The following DIAPH2 variants were observed in gnomAD, a reference collection of about 807,000 sequenced individuals.
DIAPH2 encodes the protein diaphanous related formin 2.
A neutral mutation model predicts 92.7 loss-of-function variants in DIAPH2; 35 were observed. That is an observed-to-expected ratio of 0.38 (90% CI 0.29 to 0.50). The LOEUF is 0.50. Among genes scored for constraint, DIAPH2 ranks in the 20% least tolerant of loss-of-function variants. The probability of loss-of-function intolerance (pLI) is 0.94; values close to 1 mark genes in which losing one functional copy is unlikely to be tolerated. For missense variants in DIAPH2, 701 were observed against 819.5 expected, an observed-to-expected ratio of 0.86 and a Z score of 1.77; for synonymous variants, 301 against 280.4, an observed-to-expected ratio of 1.07 and a Z score of -0.73.
intron 17 of DIAPH2, among the ~76,000 whole-genome samples, chrX:96,980,998 CA>C (rs1204120424): frequency 0.013 from 581 of 45,509 alleles, 4 homozygotes; most frequent in Non-Finnish European, 0.017. Context: ...CCATCTCTAC[CA>C]AAAAAAAAAA....
intron 1 of DIAPH2, among the ~76,000 whole-genome samples, chrX:96,689,746 C>G: frequency 9.0e-6 from 1 of 111,355 alleles, no homozygotes; most frequent in Admixed American, 9.6e-5. Flanking sequence ...CTTCTGGACT[C>G]AATAACTGTC....
chrX:97,441,060 T>G (rs1317208086), intron 26 of DIAPH2, among the ~76,000 whole-genome samples: 1 of 111,652 alleles, frequency 9.0e-6, no homozygotes, highest in Non-Finnish European at 1.9e-5. Flanking sequence ...TAATAGAAAT[T>G]CATTGGTGAC....
At chrX:97,590,891 T>TA (rs902315692) in intron 26 of DIAPH2, among the ~76,000 whole-genome samples, 7 of 112,158 alleles carry the variant, frequency 6.2e-5, no homozygotes, top group African/African-American at 1.3e-4. Flanking sequence ...ACTGTTTTTT[T>TA]AAAAAAATAG....
chrX:96,807,317 C>A (rs1449754247), intron 4 of DIAPH2, among the ~76,000 whole-genome samples: 1 of 111,416 alleles, frequency 9.0e-6, no homozygotes, highest in Non-Finnish European at 1.9e-5. Flanking sequence ...AACTGAGGTA[C>A]ATGAAAATGT....
chrX:96,732,125 A>T (rs1482266459), intron 1 of DIAPH2, among the ~76,000 whole-genome samples: 1 of 111,325 alleles, frequency 9.0e-6, no homozygotes, highest in Admixed American at 9.6e-5. Context: ...CATCCACATA[A>T]ATGAATTTTG....
chrX:97,003,267 G>T (rs190546571), intron 17 of DIAPH2, among the ~76,000 whole-genome samples: 217 of 111,951 alleles, frequency 1.9e-3, no homozygotes, highest in Admixed American at 4.6e-3. Flanking sequence ...AAACATAGGA[G>T]TGCAGATATC....
Position 96,760,235 on chromosome X carries a change from A to G in DIAPH2, c.447+1977A>G, listed in dbSNP as rs1356591545. 1.3e-4 allele frequency among the ~76,000 whole-genome samples: 14 copies of G among 111,759 alleles called. No homozygotes were observed. In the Admixed American group the frequency reaches 1.3e-3, roughly 11 times the overall value. Reference sequence around the variant, plus strand: ...TCTTGGAAAGACGTTAATTAGTACTATGTTTTCTATCATTAAAACCACAAA... The same window carrying G: ...TCTTGGAAAGACGTTAATTAGTACTGTGTTTTCTATCATTAAAACCACAAA... On this transcript the variant is annotated intron_variant, in intron 4 of 26. Transcript: ENST00000324765.
intron 4 of DIAPH2, chrX:96,763,219 A>G (rs989306270): frequency 6.9e-5 from 41 of 593,694 alleles, no homozygotes; most frequent in Non-Finnish European, 9.2e-5. Context: ...TTCTTTTGGT[A>G]TATATTTTAC....
intron 4 of DIAPH2, among the ~76,000 whole-genome samples, chrX:96,835,431 A>G (rs2064880326): frequency 9.0e-6 from 1 of 111,671 alleles, no homozygotes; most frequent in South Asian, 3.8e-4. Context: ...CATTAAAAGC[A>G]CCTAAATATT....
chrX:96,689,867 G>C (rs903882449), intron 1 of DIAPH2, among the ~76,000 whole-genome samples: 6 of 110,872 alleles, frequency 5.4e-5, no homozygotes, highest in African/African-American at 1.6e-4. Flanking sequence ...CCGGTGCTTG[G>C]GTGCAAAACT....
At chrX:97,301,385 A>G (rs1311972051) in intron 23 of DIAPH2, among the ~76,000 whole-genome samples, 1 of 110,991 alleles carries the variant, frequency 9.0e-6, no homozygotes, top group Admixed American at 9.6e-5. Context: ...TATATAACAT[A>G]TCTTAGGTTA....
At chrX:96,804,601 C>T (rs1481321564) in intron 4 of DIAPH2, among the ~76,000 whole-genome samples, 1 of 111,455 alleles carries the variant, frequency 9.0e-6, no homozygotes, top group East Asian at 2.8e-4. Flanking sequence ...AATATTCATT[C>T]ACCAAACACC....
intron 26 of DIAPH2, among the ~76,000 whole-genome samples, chrX:97,559,131 C>A (rs887974159): frequency 1.8e-5 from 2 of 111,912 alleles, no homozygotes; most frequent in African/African-American, 6.5e-5. Flanking sequence ...AAGTTGTAAA[C>A]AATAACGGTT....
At chrX:96,922,813 A>G (rs974239485) in intron 9 of DIAPH2, among the ~76,000 whole-genome samples, 18 of 111,687 alleles carry the variant, frequency 1.6e-4, no homozygotes, top group African/African-American at 5.5e-4. Flanking sequence ...TTCCCCACCT[A>G]TATCTGTTTC....
chrX:97,398,129 C>T (rs1030861352), intron 25 of DIAPH2, among the ~76,000 whole-genome samples: 4 of 112,258 alleles, frequency 3.6e-5, no homozygotes, highest in African/African-American at 1.3e-4. Context: ...CTGTGTCTTC[C>T]CCAGTGTTTT....
chrX:97,397,469 G>A (rs1489065667), intron 25 of DIAPH2, among the ~76,000 whole-genome samples: 4 of 111,558 alleles, frequency 3.6e-5, no homozygotes, highest in Non-Finnish European at 5.6e-5. Flanking sequence ...ATTATTTGGG[G>A]CATCATTAAA....
At chrX:97,184,583 G>T (rs760147726) in intron 22 of DIAPH2, among the ~76,000 whole-genome samples, 25 of 111,465 alleles carry the variant, frequency 2.2e-4, no homozygotes, top group South Asian at 7.6e-4. Flanking sequence ...AATCCAGCCA[G>T]ATATTTTGCA....
At chrX:97,092,492 G>A (rs775707394) in intron 19 of DIAPH2, among the ~76,000 whole-genome samples, 5 of 112,449 alleles carry the variant, frequency 4.4e-5, no homozygotes, top group African/African-American at 1.6e-4. Context: ...CTTGCCAGAT[G>A]TGTCAAAATG....
At chrX:97,503,149 T>G (rs1296950305) in intron 26 of DIAPH2, among the ~76,000 whole-genome samples, 1 of 112,107 alleles carries the variant, frequency 8.9e-6, no homozygotes, top group Non-Finnish European at 1.9e-5. Flanking sequence ...AGAAGTAGCA[T>G]TTATGAACTG....
Sources: allele counts gnomAD v4.1 joint callset (sites outside exome capture counted in the v4.1 genomes callset), GRCh38; gene constraint gnomAD v4.1.1; transcripts MANE v1.5; gene names NCBI Gene and HGNC (gene_info 2026-07-23, HGNC 2026-07-21).